Variants in PRORP observed in about 807,000 individuals in gnomAD.
The protein encoded by PRORP is mitochondrial ribonuclease P catalytic subunit.
In PRORP, 51 loss-of-function variants were observed where a neutral mutation model predicts 59.4. The observed-to-expected ratio is 0.86, with a 90% CI of 0.69 to 1.08. The LOEUF (loss-of-function observed/expected upper bound fraction) is 1.08, where lower values mean the gene tolerates loss of function less well. Ranked by LOEUF, PRORP falls within the 50% of genes least tolerant of loss-of-function variation. The pLI is 0.00. For synonymous variants in PRORP, 231 were observed against 245.6 expected, an observed-to-expected ratio of 0.94 and a Z score of 0.55; for missense variants, 646 against 690.3, an observed-to-expected ratio of 0.94 and a Z score of 0.72.
At chr14:35,204,618 G>A (rs1459466950) in intron 5 of PRORP, among the ~76,000 whole-genome samples, 1 of 151,960 alleles carries the variant, frequency 6.6e-6, no homozygotes, top group African/African-American at 2.4e-5. Flanking sequence ...TTATCCTTAA[G>A]AGTTTTATAG....
rs575257810 is a variant in PRORP, at chr14:35,147,395, TGCACTG to T, written c.1167+19788_1167+19793del. ...TCTCACTCTGTCACCCAGGCTGGAG[TGCACTG>T]GCAAGATCATGGCTTACTGTAGCCT... On this transcript the variant is annotated intron_variant, in intron 4 of 7. Transcript: ENST00000534898. 3.8e-3 allele frequency among the ~76,000 whole-genome samples: 574 copies of T among 152,272 alleles called. 1 individual carries two copies. The highest frequency in any genetic ancestry group is 6.5e-3 in the Non-Finnish European group (445 of 68,014).
At chr14:35,253,342 A>AG (rs2050659946) in intron 5 of PRORP, among the ~76,000 whole-genome samples, 1 of 143,542 alleles carries the variant, frequency 7.0e-6, no homozygotes, top group Non-Finnish European at 1.5e-5. Flanking sequence ...AAAAAAAAAA[A>AG]AAGAGAGAGA....
chr14:35,124,162 C>A lies in PRORP; in HGVS notation c.917C>A (p.Ser306Ter). The part of the protein sequence containing the change: ...NYSNKLLDIL[S>*]YLRNNQLYPG... ...TCAAATAAACTACTAGATATTCTTT[C>A]ATATCTAAGAAATAATCAGCTGTAT... The change falls in exon 2 of 8, where the codon TCA becomes TAA. Residue 306 changes from serine to a stop codon, truncating the protein, a stop_gained. Transcript: ENST00000534898. LOFTEE classifies it high-confidence loss of function. The A allele has an allele frequency of 6.3e-7, 1 of 1,599,216 alleles. No individual in the cohort carries two copies. Among genetic ancestry groups the A allele is most frequent in the Non-Finnish European group, 8.5e-7 (1 of 1,170,814 alleles).
At chr14:35,142,966 C>T (rs1283525687) in intron 4 of PRORP, among the ~76,000 whole-genome samples, 1 of 145,670 alleles carries the variant, frequency 6.9e-6, no homozygotes, top group African/African-American at 2.4e-5. Context: ...CAGGCATAAG[C>T]CACCATGCTT....
chr14:35,230,948 C>CACACACAT (rs1236788451), intron 5 of PRORP, among the ~76,000 whole-genome samples: 2 of 115,308 alleles, frequency 1.7e-5, no homozygotes, highest in Non-Finnish European at 3.7e-5. Flanking sequence ...AACACACACA[C>CACACACAT]ACACACACAC....
At chr14:35,171,112 G>T (rs2415270) in intron 4 of PRORP, among the ~76,000 whole-genome samples, 28,050 of 152,024 alleles carry the variant, frequency 0.18, 2,841 homozygotes, top group Admixed American at 0.27. Flanking sequence ...GCCTCCCAAA[G>T]TGCTGGGATT....
At chr14:35,126,867 C>A in intron 3 of PRORP, 85 bp downstream of exon 3, 2 of 950,090 alleles carry the variant, frequency 2.1e-6, no homozygotes, top group Non-Finnish European at 1.6e-6. Flanking sequence ...TTAAGAACAC[C>A]TTAAGGGTAG....
At position 35,220,877 on chromosome 14, in the gene PRORP, A is replaced by G. The variant is rs572574519; in HGVS notation, c.1275+40100A>G. Among the ~76,000 whole-genome samples, 13 of 152,260 alleles carry G rather than the reference A, an allele frequency of 8.5e-5. No homozygotes were observed. The East Asian group carries it at 2.3e-3, about 27-fold the overall frequency. ...ATCTAAGATTATAATCTGGGGGAGGATGTAAACAAATAAATTGCAAGACAC... is the reference window on the plus strand; with the variant it reads ...ATCTAAGATTATAATCTGGGGGAGGGTGTAAACAAATAAATTGCAAGACAC... On this transcript the variant is annotated intron_variant, in intron 5 of 7. Transcript: ENST00000534898.
At chr14:35,225,415 C>T (rs778218686) in intron 5 of PRORP, among the ~76,000 whole-genome samples, 5 of 151,792 alleles carry the variant, frequency 3.3e-5, no homozygotes, top group Non-Finnish European at 5.9e-5. Flanking sequence ...GGTGCGATCT[C>T]GGCTCACTAC....
Position 35,262,986 on chromosome 14 carries a change from G to T in PRORP, c.1276-3741G>T, listed in dbSNP as rs1001784977. On this transcript the variant is annotated intron_variant, in intron 5 of 7. Coordinates refer to ENST00000534898, the MANE Select transcript of PRORP (RefSeq NM_014672.4). Reference sequence around the variant, plus strand: ...AAACAAGGATATCAGGAAATTTTTGGATGGTATCTATGTCTCTGAAAAAGG... The same window carrying T: ...AAACAAGGATATCAGGAAATTTTTGTATGGTATCTATGTCTCTGAAAAAGG... The T allele has an allele frequency of 3.1e-6, 5 of 1,598,172 alleles. No homozygotes were observed. The African/African-American group carries it at 5.3e-5, about 17-fold the overall frequency.
At chr14:35,225,211 A>G (rs2049903621) in intron 5 of PRORP, among the ~76,000 whole-genome samples, 1 of 152,202 alleles carries the variant, frequency 6.6e-6, no homozygotes, top group South Asian at 2.1e-4. Flanking sequence ...TTCTGAATAC[A>G]TTTACTGAGA....
intron 5 of PRORP, among the ~76,000 whole-genome samples, chr14:35,246,394 T>A (rs2050485871): frequency 1.3e-5 from 2 of 152,206 alleles, no homozygotes; most frequent in South Asian, 4.1e-4. Flanking sequence ...CAAGGGTATC[T>A]GAGTCTAGGA....
chr14:35,176,375 A>G (rs1485219401), intron 4 of PRORP, among the ~76,000 whole-genome samples: 2 of 152,204 alleles, frequency 1.3e-5, no homozygotes, highest in Non-Finnish European at 2.9e-5. Flanking sequence ...ATCCATGAGC[A>G]TGGAATGTTC....
chr14:35,205,101 A>C (rs1430453127), intron 5 of PRORP, among the ~76,000 whole-genome samples: 1 of 152,230 alleles, frequency 6.6e-6, no homozygotes, highest in Non-Finnish European at 1.5e-5. Context: ...ACCTGAGCTT[A>C]ATGATACTAT....
intron 5 of PRORP, among the ~76,000 whole-genome samples, chr14:35,188,961 A>G (rs12586396): frequency 1.5e-4 from 20 of 132,762 alleles, no homozygotes; most frequent in Admixed American, 4.9e-4. Flanking sequence ...AAAAAAAAAA[A>G]AAAGTATTGC....
chr14:35,169,511 C>G (rs1264496537), intron 4 of PRORP, among the ~76,000 whole-genome samples: 1 of 151,436 alleles, frequency 6.6e-6, no homozygotes, highest in African/African-American at 2.4e-5. Flanking sequence ...AGGAAACTTA[C>G]AATGATGGCA....
chr14:35,151,308 G>A (rs1422724654), intron 4 of PRORP, among the ~76,000 whole-genome samples: 1 of 151,820 alleles, frequency 6.6e-6, no homozygotes, highest in Non-Finnish European at 1.5e-5. Context: ...TAAGATACTA[G>A]ATTAGAAACA....
At position 35,131,871 on chromosome 14, in the gene PRORP, C is replaced by T. The variant is rs2047248870; in HGVS notation, c.1167+4260C>T. ...TTTCTTTTTTTGAGAAGAAATCTCA[C>T]TCTTGTCCCCTAGGCTGGAGTGCAG... On this transcript the variant is annotated intron_variant, in intron 4 of 7. Transcript: ENST00000534898. Among the ~76,000 whole-genome samples, 2 of 148,616 alleles carry T rather than the reference C, an allele frequency of 1.3e-5. 1 individual carries two copies. Among genetic ancestry groups the T allele is most frequent in the South Asian group, 4.4e-4 (2 of 4,596 alleles).
chr14:35,179,040 C>A (rs1279140919), intron 4 of PRORP, among the ~76,000 whole-genome samples: 2 of 152,146 alleles, frequency 1.3e-5, no homozygotes, highest in African/African-American at 2.4e-5. Flanking sequence ...GTTGAGAATT[C>A]TTTTCTTTAA....
Sources: gnomAD v4.1 joint callset for allele counts (sites outside exome capture counted in the v4.1 genomes callset) on GRCh38, gnomAD v4.1.1 for gene constraint, MANE v1.5 for transcripts, NCBI Gene and HGNC (gene_info 2026-07-23, HGNC 2026-07-21) for gene names.